Variants in GALNT10 observed in about 807,000 individuals in gnomAD.
GALNT10 encodes GalNAc transferase 10.
GALNT10 carries 41 observed loss-of-function variants against 75.0 expected under a neutral mutation model. The observed-to-expected ratio is 0.55, with a 90% CI of 0.43 to 0.71. The LOEUF is 0.71. GALNT10 is among the 30% of genes least tolerant of loss of function. The pLI is 0.00. For synonymous variants in GALNT10, 302 were observed against 313.0 expected, an observed-to-expected ratio of 0.96 and a Z score of 0.37; for missense variants, 727 against 818.5, an observed-to-expected ratio of 0.89 and a Z score of 1.36.
At chr5:154,277,598 A>C (rs1205429160) in intron 1 of GALNT10, among the ~76,000 whole-genome samples, 1 of 152,158 alleles carries the variant, frequency 6.6e-6, no homozygotes, top group Non-Finnish European at 1.5e-5. Flanking sequence ...ATTCAAATGC[A>C]TTGTTTCTCA....
chr5:154,312,862 C>T (rs1225947630), intron 3 of GALNT10, among the ~76,000 whole-genome samples: 5 of 152,186 alleles, frequency 3.3e-5, no homozygotes, highest in Admixed American at 1.3e-4. Flanking sequence ...CCTTGCACAC[C>T]ATATTCATCC....
At chr5:154,334,390 A>T (rs921992583) in intron 4 of GALNT10, among the ~76,000 whole-genome samples, 1 of 152,214 alleles carries the variant, frequency 6.6e-6, no homozygotes, top group Non-Finnish European at 1.5e-5. Context: ...TTGCTCGAGG[A>T]TTAGGAGAAC....
At chr5:154,392,701 G>C (rs1755927915) in intron 7 of GALNT10, 1 of 152,216 alleles carries the variant, frequency 6.6e-6, no homozygotes, top group South Asian at 2.1e-4. Flanking sequence ...AGGAGGCCAT[G>C]GTTAGGATAT....
At chr5:154,251,887 G>C (rs553547380) in intron 1 of GALNT10, among the ~76,000 whole-genome samples, 1 of 152,226 alleles carries the variant, frequency 6.6e-6, no homozygotes, top group African/African-American at 2.4e-5. Context: ...AGGGGGAGGA[G>C]ATTATAAATA....
intron 1 of GALNT10, among the ~76,000 whole-genome samples, chr5:154,236,029 G>C (rs1300341405): frequency 6.6e-6 from 1 of 152,138 alleles, no homozygotes; most frequent in South Asian, 2.1e-4. Context: ...GACCACTCTT[G>C]TGCACAATGA....
At chr5:154,373,517 T>A (rs1199504212) in intron 4 of GALNT10, among the ~76,000 whole-genome samples, 2 of 152,174 alleles carry the variant, frequency 1.3e-5, no homozygotes, top group Non-Finnish European at 2.9e-5. Flanking sequence ...GGCATCTCCT[T>A]CTATAGTAGC....
At chr5:154,259,110 T>C (rs1192867192) in intron 1 of GALNT10, among the ~76,000 whole-genome samples, 1 of 152,182 alleles carries the variant, frequency 6.6e-6, no homozygotes, top group Non-Finnish European at 1.5e-5. Flanking sequence ...TTCCCATTGA[T>C]GCCTTTTTTA....
At chr5:154,314,670 A>G (rs1210157796) in intron 3 of GALNT10, among the ~76,000 whole-genome samples, 3 of 151,618 alleles carry the variant, frequency 2.0e-5, no homozygotes, top group African/African-American at 4.8e-5. Context: ...AACCAGCTCC[A>G]TCTCGTTAAG....
intron 4 of GALNT10, among the ~76,000 whole-genome samples, chr5:154,375,138 T>C (rs1279595921): frequency 2.6e-5 from 4 of 152,214 alleles, no homozygotes; most frequent in African/African-American, 4.8e-5. Context: ...CCATCATGTT[T>C]CCACAGCAAA....
chr5:154,199,683 G>A (rs919687701), intron 1 of GALNT10, among the ~76,000 whole-genome samples: 11 of 152,144 alleles, frequency 7.2e-5, no homozygotes, highest in East Asian at 5.8e-4. Context: ...GTGCCTCTAC[G>A]TGGGTGTTGG....
intron 3 of GALNT10, chr5:154,329,325 C>T (rs1754806180): frequency 1.1e-5 from 5 of 472,154 alleles, no homozygotes; most frequent in Admixed American, 3.2e-5. Flanking sequence ...CACATGAAAT[C>T]ACAACTATTC....
chr5:154,198,757 C>T (rs1475009124), intron 1 of GALNT10, among the ~76,000 whole-genome samples: 2 of 133,340 alleles, frequency 1.5e-5, no homozygotes, highest in Non-Finnish European at 1.6e-5. Flanking sequence ...GTTACTCCAG[C>T]CCCCAGGGGT....
chr5:154,362,920 C>T (rs1426761468), intron 4 of GALNT10, among the ~76,000 whole-genome samples: 1 of 152,110 alleles, frequency 6.6e-6, no homozygotes, highest in Non-Finnish European at 1.5e-5. Context: ...GGTGTCAGGG[C>T]GAGGGCATAA....
chr5:154,272,845 G>A (rs987656822), intron 1 of GALNT10, among the ~76,000 whole-genome samples: 2 of 152,112 alleles, frequency 1.3e-5, no homozygotes, highest in African/African-American at 2.4e-5. Context: ...TGTCTTATAT[G>A]TACTCTTTTT....
intron 1 of GALNT10, among the ~76,000 whole-genome samples, chr5:154,259,175 A>T (rs1332307027): frequency 1.3e-5 from 2 of 151,814 alleles, no homozygotes; most frequent in Non-Finnish European, 2.9e-5. Context: ...GGATCTCTTT[A>T]GTTTCCTTCA....
At chr5:154,214,766 A>G (rs922421738) in intron 1 of GALNT10, among the ~76,000 whole-genome samples, 1 of 152,176 alleles carries the variant, frequency 6.6e-6, no homozygotes, top group African/African-American at 2.4e-5. Context: ...ATGAAACTGT[A>G]CTTTTCAGAA....
chr5:154,279,304 GTTTTT>G lies in GALNT10; in HGVS notation c.160-15500_160-15496del, dbSNP rs1199051669. ...TTGTTGTTGTTGTTGTTGTTGTTTT[GTTTTT>G]TTTTTTTTTTTGAGATGGAGCTTTG... On this transcript the variant is annotated intron_variant, in intron 1 of 11. Coordinates refer to ENST00000297107, the MANE Select transcript of GALNT10 (RefSeq NM_198321.4). Among the ~76,000 whole-genome samples, 11 of 101,380 alleles carry G rather than the reference GTTTTT, an allele frequency of 1.1e-4. No individual in the cohort carries two copies. The East Asian group carries it at 1.4e-3, about 13-fold the overall frequency. 66.5% of individuals were successfully genotyped at this position (101,380 alleles called of 152,430 possible). A position where few individuals can be genotyped will look rare whatever the true frequency, so the allele number is the denominator to read the frequency against.
Position 154,205,137 on chromosome 5 carries a change from A to G in GALNT10, c.159+14112A>G, listed in dbSNP as rs12655853. 3.3e-5 allele frequency among the ~76,000 whole-genome samples: 5 copies of G among 152,086 alleles called. No homozygotes were observed. In the South Asian group the frequency reaches 1.0e-3, roughly 32 times the overall value. ...TCACCCTAAGGGGCTGTGTTCTCAT[A>G]GTGGGGGAAGAGACAGACTTCCTTC... On this transcript the variant is annotated intron_variant, in intron 1 of 11. Transcript: ENST00000297107.
intron 9 of GALNT10, among the ~76,000 whole-genome samples, chr5:154,410,377 CAA>C (rs58402180): frequency 0.25 from 22,031 of 86,764 alleles, 1,516 homozygotes; most frequent in East Asian, 0.44. Context: ...CCTGTCTCTA[CAA>C]AAAAAAAAAA....
Sources: allele counts gnomAD v4.1 joint callset (sites outside exome capture counted in the v4.1 genomes callset), GRCh38; gene constraint gnomAD v4.1.1; transcripts MANE v1.5; gene names NCBI Gene and HGNC (gene_info 2026-07-23, HGNC 2026-07-21).